The following SEMA3A variants were observed in gnomAD, a reference collection of about 807,000 sequenced individuals.
The protein encoded by SEMA3A is semaphorin-3A.
In SEMA3A, 29 loss-of-function variants were observed where a neutral mutation model predicts 97.9. The observed-to-expected ratio is 0.30, with a 90% confidence interval of 0.22 to 0.40. The LOEUF is 0.40. SEMA3A is among the 10% of genes least tolerant of loss of function. The probability of loss-of-function intolerance (pLI) is 1.00; values close to 1 mark genes in which losing one functional copy is unlikely to be tolerated. For synonymous variants in SEMA3A, 321 were observed against 323.7 expected, an observed-to-expected ratio of 0.99 and a Z score of 0.09; for missense variants, 763 against 951.3, an observed-to-expected ratio of 0.80 and a Z score of 2.60.
chr7:84,377,979 T>C (rs1410852761), intron 1 of SEMA3A, among the ~76,000 whole-genome samples: 2 of 152,084 alleles, frequency 1.3e-5, no homozygotes, highest in African/African-American at 4.8e-5. Context: ...TCTTAAGGGA[T>C]ACAATTTATA....
At chr7:84,265,973 G>T (rs1324764055) in intron 3 of SEMA3A, among the ~76,000 whole-genome samples, 1 of 152,100 alleles carries the variant, frequency 6.6e-6, no homozygotes, top group Non-Finnish European at 1.5e-5. Flanking sequence ...ATATAATTTA[G>T]TAATAAATGA....
At chr7:84,099,076 T>C (rs1794866838) in intron 4 of SEMA3A, among the ~76,000 whole-genome samples, 1 of 44,986 alleles carries the variant, frequency 2.2e-5, no homozygotes, top group African/African-American at 4.9e-5. Context: ...TTTTTTTTTC[T>C]TTTTTTTTTT....
At chr7:84,050,614 T>C (rs1156257977) in intron 5 of SEMA3A, among the ~76,000 whole-genome samples, 2 of 152,088 alleles carry the variant, frequency 1.3e-5, no homozygotes, top group African/African-American at 2.4e-5. Flanking sequence ...TATTAGCCCT[T>C]TGTCAGATGA....
intron 2 of SEMA3A, among the ~76,000 whole-genome samples, chr7:84,313,356 GTA>G (rs869145201): frequency 0.061 from 1,365 of 22,560 alleles, 12 homozygotes; most frequent in Middle Eastern, 0.094. Flanking sequence ...ATGTGTGTGT[GTA>G]TATATATATA....
chr7:84,138,917 G>C (rs1796220586), intron 1 of SEMA3A, among the ~76,000 whole-genome samples: 1 of 152,018 alleles, frequency 6.6e-6, no homozygotes, highest in Admixed American at 6.6e-5. Flanking sequence ...GTTAAAATCA[G>C]ACACATTTTT....
chr7:84,100,129 A>C (rs1051625865), intron 4 of SEMA3A, among the ~76,000 whole-genome samples: 3 of 152,074 alleles, frequency 2.0e-5, no homozygotes, highest in African/African-American at 7.2e-5. Context: ...CAAATCTATC[A>C]ATATCTCATC....
chr7:84,428,562 C>T (rs1804886744), intron 1 of SEMA3A, among the ~76,000 whole-genome samples: 1 of 151,730 alleles, frequency 6.6e-6, no homozygotes, highest in African/African-American at 2.4e-5. Flanking sequence ...GAATATTGTC[C>T]TATTTGAGAA....
In SEMA3A at chr7:84,367,759, C is replaced by T. The variant is rs138138454; in HGVS notation, c.-169+4065G>A. ...CTATATATATAGGTAGAGGCAGATC[C>T]GGTTGAAGATAAAGATGGAAATGAA... is the stretch of plus-strand genomic sequence containing the variant. On this transcript the variant is annotated intron_variant, in intron 2 of 3. Transcript: ENST00000424555. Among the ~76,000 whole-genome samples the T allele has an allele frequency of 2.1e-3, 312 of 150,704 alleles. 1 individual carries two copies. Among genetic ancestry groups the T allele is most frequent in the Non-Finnish European group, 3.0e-3 (202 of 67,208 alleles).
chr7:84,394,992 C>T (rs754777386), intron 1 of SEMA3A, among the ~76,000 whole-genome samples: 18 of 152,050 alleles, frequency 1.2e-4, no homozygotes, highest in Middle Eastern at 3.4e-3. Context: ...GATGGCTATT[C>T]GGAGTATAGA....
intron 1 of SEMA3A, among the ~76,000 whole-genome samples, chr7:84,152,712 A>G (rs1414789824): frequency 6.6e-6 from 1 of 151,692 alleles, no homozygotes; most frequent in Non-Finnish European, 1.5e-5. Flanking sequence ...TAAATAAATA[A>G]AAAAGAAGAA....
At chr7:84,330,412 T>C (rs1217334006) in intron 2 of SEMA3A, among the ~76,000 whole-genome samples, 2 of 152,048 alleles carry the variant, frequency 1.3e-5, no homozygotes, top group Non-Finnish European at 2.9e-5. Context: ...TTTTAAAAAG[T>C]AACAAATTAT....
At position 84,005,542 on chromosome 7, in the gene SEMA3A, A is replaced by T; in HGVS notation, c.1157T>A (p.Phe386Tyr). ...GTCCTTTGTAGAGTCAAAACCACCA[A>T]ATGTTTTGCTGGGACACTATTAAGA... ...PRPGTCPSKT[F>Y]GGFDSTKDLP... The change falls in exon 11 of 17, where the codon TTT becomes TAT. Residue 386 changes from phenylalanine to tyrosine, a missense_variant. Around this residue, in one of 2 missense-constraint regions of SEMA3A, gnomAD observed 678 missense variants for 881.3 expected, o/e 0.77. Transcript: ENST00000265362. The T allele has an allele frequency of 6.2e-7, 1 of 1,612,330 alleles. No homozygotes were observed. The highest frequency in any genetic ancestry group is 1.1e-5 in the South Asian group (1 of 91,022).
chr7:84,463,582 C>A (rs1562956075), intron 1 of SEMA3A, among the ~76,000 whole-genome samples: 1 of 151,994 alleles, frequency 6.6e-6, no homozygotes, highest in Non-Finnish European at 1.5e-5. Context: ...AAAGCTTAGG[C>A]TCCATTGACC....
At chr7:84,037,126 G>A (rs904066716) in intron 6 of SEMA3A, among the ~76,000 whole-genome samples, 6 of 150,870 alleles carry the variant, frequency 4.0e-5, no homozygotes, top group Admixed American at 1.3e-4. Flanking sequence ...ATTCTTTGCA[G>A]ATTCCTTCCA....
intron 1 of SEMA3A, among the ~76,000 whole-genome samples, chr7:84,383,498 A>G (rs1803321054): frequency 6.6e-6 from 1 of 152,214 alleles, no homozygotes; most frequent in South Asian, 2.1e-4. Context: ...ATTTTACTTC[A>G]AAATTACAGC....
intron 2 of SEMA3A, among the ~76,000 whole-genome samples, chr7:84,321,658 T>C (rs113179975): frequency 3.3e-5 from 5 of 151,844 alleles, no homozygotes; most frequent in African/African-American, 9.7e-5. Context: ...AGGCAGATCA[T>C]GGGGTCAGGA....
intron 3 of SEMA3A, among the ~76,000 whole-genome samples, chr7:84,119,464 A>G (rs1242943437): frequency 1.3e-5 from 2 of 152,222 alleles, no homozygotes; most frequent in Non-Finnish European, 2.9e-5. Flanking sequence ...TTAAAATTAA[A>G]TGGCAGAATT....
intron 3 of SEMA3A, among the ~76,000 whole-genome samples, chr7:84,250,825 T>C (rs1185755641): frequency 6.6e-6 from 1 of 152,230 alleles, no homozygotes; most frequent in Non-Finnish European, 1.5e-5. Context: ...AGTTATGGAA[T>C]TTTATTCTGA....
At chr7:84,238,864 G>A (rs1267071736) in intron 3 of SEMA3A, among the ~76,000 whole-genome samples, 3 of 151,984 alleles carry the variant, frequency 2.0e-5, no homozygotes, top group Non-Finnish European at 4.4e-5. Context: ...ACAGGAGCAT[G>A]CCATCACACC....
Sources: gnomAD v4.1 joint callset for allele counts (sites outside exome capture counted in the v4.1 genomes callset) on GRCh38, gnomAD v4.1.1 for gene constraint, gnomAD v4.1.1 regional missense constraint, MANE v1.5 for transcripts, NCBI Gene and HGNC (gene_info 2026-07-23, HGNC 2026-07-21) for gene names.